The following AUTS2 variants were observed in gnomAD, a reference collection of about 807,000 sequenced individuals.
AUTS2 encodes autism susceptibility gene 2 protein.
In AUTS2, 17 loss-of-function variants were observed where a neutral mutation model predicts 112.4. The observed-to-expected ratio is 0.15, with a 90% CI of 0.10 to 0.23. The LOEUF (loss-of-function observed/expected upper bound fraction) is 0.23. AUTS2 is among the 10% of genes least tolerant of loss of function. The pLI, the probability that AUTS2 is intolerant of heterozygous loss-of-function variation, is 1.00. For synonymous variants in AUTS2, 751 were observed against 702.7 expected (o/e 1.07, Z -1.09); for missense variants, 1,510 against 1,701.6 (o/e 0.89, Z 1.98).
intron 4 of AUTS2, among the ~76,000 whole-genome samples, chr7:70,165,943 A>G (rs1808358294): frequency 1.3e-5 from 2 of 151,796 alleles, no homozygotes; most frequent in African/African-American, 4.9e-5. Context: ...GCAGTTCCCC[A>G]CTGCTGTTCT....
At chr7:69,902,840 T>C (rs1795020028) in intron 2 of AUTS2, among the ~76,000 whole-genome samples, 1 of 152,210 alleles carries the variant, frequency 6.6e-6, no homozygotes, top group Admixed American at 6.5e-5. Context: ...ATTTGTTGGA[T>C]TATGTTTTTA....
intron 5 of AUTS2, among the ~76,000 whole-genome samples, chr7:70,649,238 C>CTTTAGATTAGAAGTTTGAGACCTTTAG (rs1563101430): frequency 1.3e-5 from 2 of 151,990 alleles, no homozygotes; most frequent in African/African-American, 4.8e-5. Flanking sequence ...AGTTTGAGAC[C>CTTTAGATTAGAAGTTTGAGACCTTTAG]AGCCTGGGCA....
At chr7:70,751,641 GA>G (rs1298476925) in intron 6 of AUTS2, among the ~76,000 whole-genome samples, 2 of 152,148 alleles carry the variant, frequency 1.3e-5, no homozygotes, top group African/African-American at 4.8e-5. Flanking sequence ...ATGTTTGTTT[GA>G]AAATCCTTTT....
At position 70,277,543 on chromosome 7, in the gene AUTS2, G is replaced by A. The variant is rs572538173; in HGVS notation, c.660+142972G>A. 1.3e-3 allele frequency among the ~76,000 whole-genome samples: 191 copies of A among 152,188 alleles called. 3 individuals are homozygous for A. Among genetic ancestry groups the A allele is most frequent in the African/African-American group, 4.4e-3 (181 of 41,478 alleles). On this transcript the variant is annotated intron_variant, in intron 4 of 18. Coordinates refer to ENST00000342771, the MANE Select transcript of AUTS2 (RefSeq NM_015570.4). ...GGTCCCTTGCACTCTCCCTTTCTGTGCCCATTGTGACAGCATGGTCACATC... is the reference window on the plus strand; with the variant it reads ...GGTCCCTTGCACTCTCCCTTTCTGTACCCATTGTGACAGCATGGTCACATC...
At chr7:70,072,415 T>C (rs1802818060) in intron 2 of AUTS2, among the ~76,000 whole-genome samples, 3 of 152,180 alleles carry the variant, frequency 2.0e-5, no homozygotes, top group African/African-American at 2.4e-5. Context: ...TGTCCTCTAG[T>C]AGAATAAGAA....
chr7:69,732,875 G>A (rs560110392), intron 1 of AUTS2, among the ~76,000 whole-genome samples: 1 of 152,300 alleles, frequency 6.6e-6, no homozygotes, highest in Non-Finnish European at 1.5e-5. Context: ...TGCAAGGTTT[G>A]TGCTTTTAGG....
At chr7:70,451,431 A>G (rs1229919736) in intron 5 of AUTS2, among the ~76,000 whole-genome samples, 1 of 152,160 alleles carries the variant, frequency 6.6e-6, no homozygotes, top group Non-Finnish European at 1.5e-5. Context: ...TGATATTTGT[A>G]TAGCTTTTTT....
rs138500732 is a variant in AUTS2 at position 70,620,686 on chromosome 7, C to T, written c.691-77883C>T. ...CCTTTTCATTTATTTCATTTAGGCCCGAGGCAGAACTTCTGGGAGCTAGCT... is the reference window on the plus strand; with the variant it reads ...CCTTTTCATTTATTTCATTTAGGCCTGAGGCAGAACTTCTGGGAGCTAGCT... On this transcript the variant is annotated intron_variant, in intron 5 of 18. Coordinates refer to ENST00000342771, the MANE Select transcript of AUTS2 (RefSeq NM_015570.4). Among the ~76,000 whole-genome samples the T allele has an allele frequency of 2.4e-3, 365 of 152,188 alleles. 1 individual carries two copies. The highest frequency in any genetic ancestry group is 7.3e-3 in the African/African-American group (301 of 41,502).
intron 5 of AUTS2, among the ~76,000 whole-genome samples, chr7:70,603,894 G>A (rs1803598633): frequency 6.6e-6 from 1 of 150,382 alleles, no homozygotes; most frequent in African/African-American, 2.5e-5. Flanking sequence ...GCAGCCAGGT[G>A]CTTCAGCACT....
At chr7:69,601,890 G>T (rs1792426987) in intron 1 of AUTS2, among the ~76,000 whole-genome samples, 1 of 151,934 alleles carries the variant, frequency 6.6e-6, no homozygotes, top group African/African-American at 2.4e-5. Flanking sequence ...GGTTGTTTTG[G>T]AAAGTACTTG....
intron 1 of AUTS2, among the ~76,000 whole-genome samples, chr7:69,656,834 G>T (rs1314908945): frequency 5.3e-5 from 8 of 152,320 alleles, no homozygotes; most frequent in African/African-American, 1.7e-4. Context: ...TCTGTGTCCT[G>T]TTGGCTTTTA....
chr7:69,666,287 T>C (rs1796037846), intron 1 of AUTS2, among the ~76,000 whole-genome samples: 1 of 152,216 alleles, frequency 6.6e-6, no homozygotes, highest in African/African-American at 2.4e-5. Flanking sequence ...TGTGTTTGTT[T>C]AGTGAATGAA....
intron 2 of AUTS2, among the ~76,000 whole-genome samples, chr7:70,046,740 G>T (rs550238787): frequency 2.6e-5 from 4 of 152,162 alleles, no homozygotes; most frequent in Admixed American, 1.3e-4. Context: ...TTTTTATCAT[G>T]TTTCTTTGTC....
chr7:70,460,807 G>A lies in AUTS2; in HGVS notation c.690+25026G>A, dbSNP rs1218024161. Among the ~76,000 whole-genome samples the A allele has an allele frequency of 2.6e-5, 4 of 152,250 alleles. No homozygotes were observed. The South Asian group carries it at 6.2e-4, about 24-fold the overall frequency. On this transcript the variant is annotated intron_variant, in intron 5 of 18. Transcript: ENST00000342771. Reference sequence around the variant, plus strand: ...CACTGGAAGTGTTCTCAACCCTTTAGTATGCTTTAGTGTGAGAAAGCTTGT... The same window carrying A: ...CACTGGAAGTGTTCTCAACCCTTTAATATGCTTTAGTGTGAGAAAGCTTGT...
At chr7:70,053,439 TA>T (rs1801842651) in intron 2 of AUTS2, among the ~76,000 whole-genome samples, 1 of 152,154 alleles carries the variant, frequency 6.6e-6, no homozygotes, top group Non-Finnish European at 1.5e-5. Flanking sequence ...TAATGTGCTA[TA>T]AAATCCAAAC....
At position 69,786,224 on chromosome 7, in the gene AUTS2, A is replaced by G. The variant is rs182201764; in HGVS notation, c.310-113062A>G. Among the ~76,000 whole-genome samples, 10 of 152,216 alleles carry G rather than the reference A, an allele frequency of 6.6e-5. No individual in the cohort carries two copies. In the East Asian group the frequency reaches 1.9e-3, roughly 29 times the overall value. ...AGCACTCTGTAGAAATGCAGCAATC[A>G]GCACTCTGTGTCTAGCTAAAGGATT... On this transcript the variant is annotated intron_variant, in intron 1 of 18. Transcript: ENST00000342771.
chr7:70,332,212 A>G (rs896474326), intron 4 of AUTS2, among the ~76,000 whole-genome samples: 1 of 152,208 alleles, frequency 6.6e-6, no homozygotes, highest in African/African-American at 2.4e-5. Context: ...CCCATTCACA[A>G]TTGCTACAAA....
chr7:70,582,945 C>T (rs1040945179), intron 5 of AUTS2, among the ~76,000 whole-genome samples: 3 of 152,068 alleles, frequency 2.0e-5, no homozygotes, highest in African/African-American at 7.2e-5. Context: ...TTTGGCTTTT[C>T]CCCCCAAACT....
chr7:69,968,700 A>G (rs1442102565), intron 2 of AUTS2, among the ~76,000 whole-genome samples: 1 of 152,206 alleles, frequency 6.6e-6, no homozygotes, highest in Non-Finnish European at 1.5e-5. Context: ...GAGGCTCTAT[A>G]GAATGGAACT....
Sources: allele counts gnomAD v4.1 joint callset (sites outside exome capture counted in the v4.1 genomes callset), GRCh38; gene constraint gnomAD v4.1.1; transcripts MANE v1.5; gene names NCBI Gene and HGNC (gene_info 2026-07-23, HGNC 2026-07-21).